GPLD1: variants seen among roughly 807,000 people sequenced by gnomAD.
GPLD1 encodes phosphatidylinositol-glycan-specific phospholipase D.
A neutral mutation model predicts 112.6 loss-of-function variants in GPLD1; 84 were observed. That is an observed-to-expected ratio of 0.75 (90% CI 0.63 to 0.89). The LOEUF is 0.89. Among genes scored for constraint, GPLD1 ranks in the 40% least tolerant of loss-of-function variants. GPLD1 has a pLI of 0.00. For synonymous variants in GPLD1, 386 were observed against 403.8 expected (o/e 0.96, Z 0.53); for missense variants, 1,044 against 1,051.5 (o/e 0.99, Z 0.10).
At chr6:24,488,490 C>T (rs1343444864) in intron 1 of GPLD1, among the ~76,000 whole-genome samples, 1 of 151,972 alleles carries the variant, frequency 6.6e-6, no homozygotes. Flanking sequence ...GTTATCACAG[C>T]TAATTCTATT....
Position 24,448,175 on chromosome 6 carries a change from C to T in GPLD1, c.1480G>A (p.Gly494Arg). The change falls in exon 16 of 25, where the codon GGA becomes AGA. Residue 494 changes from glycine to arginine, a missense_variant. Transcript: ENST00000230036. ...AVYVYFGSKQ[G>R]GMSSSPNITI... is the part of the protein sequence containing the mutation. Reference sequence around the variant, plus strand: ...ATGTTAGGGGAAGAAGACATTCCTCCTTGTTTGGAACCAAAGTAGACATAC... The same window carrying T: ...ATGTTAGGGGAAGAAGACATTCCTCTTTGTTTGGAACCAAAGTAGACATAC... The T allele has an allele frequency of 6.2e-7, 1 of 1,610,272 alleles. No homozygotes were observed. The highest frequency in any genetic ancestry group is 8.5e-7 in the Non-Finnish European group (1 of 1,179,074).
chr6:24,477,987 C>G (rs924703646), intron 3 of GPLD1, among the ~76,000 whole-genome samples: 9 of 152,168 alleles, frequency 5.9e-5, no homozygotes, highest in Non-Finnish European at 1.3e-4. Flanking sequence ...TTTCATCACA[C>G]AAGACTATTT....
chr6:24,470,465 CAT>C (rs1431695021), intron 7 of GPLD1, among the ~76,000 whole-genome samples: 14 of 152,164 alleles, frequency 9.2e-5, no homozygotes, highest in Non-Finnish European at 1.3e-4. Context: ...AATCTACCCT[CAT>C]GTGGGAGATC....
At chr6:24,432,186 G>T (rs1416860712) in intron 24 of GPLD1, among the ~76,000 whole-genome samples, 1 of 148,062 alleles carries the variant, frequency 6.8e-6, no homozygotes, top group African/African-American at 2.5e-5. Context: ...GACAGAGGTT[G>T]CAGTGAGCCA....
chr6:24,495,221 C>T (rs1581800805), upstream of GPLD1: 5 of 1,512,828 alleles, frequency 3.3e-6, no homozygotes, highest in Non-Finnish European at 4.4e-6. Flanking sequence ...CCGCCGCCAC[C>T]TTCCCCGTGC....
Position 24,473,632 on chromosome 6 carries a change from C to T in GPLD1, c.477G>A (p.Ser159=), listed in dbSNP as rs770388401. 1.6e-5 allele frequency: 25 copies of T among 1,606,662 alleles called. No homozygotes were observed. The African/African-American group carries it at 2.5e-4, about 16-fold the overall frequency. The change falls in exon 6 of 25, where the codon TCG becomes TCA. Residue 159 remains serine, a synonymous_variant. Coordinates refer to ENST00000230036, the MANE Select transcript of GPLD1 (RefSeq NM_001503.4). ...AATAAACAGTACCAAAATCACCAGCCGAATGAGCCTCTGAATAGGAGCCGT... is the reference window on the plus strand; with the variant it reads ...AATAAACAGTACCAAAATCACCAGCTGAATGAGCCTCTGAATAGGAGCCGT... ...DFHGSYSEAH[S]AGDFGGDVLS...
intron 2 of GPLD1, among the ~76,000 whole-genome samples, chr6:24,485,774 A>G (rs770536845): frequency 6.6e-6 from 1 of 151,282 alleles, no homozygotes. Flanking sequence ...GGTTCAAGCC[A>G]TTCTCCTGCC....
chr6:24,472,796 A>G (rs1383406538), intron 6 of GPLD1, among the ~76,000 whole-genome samples, 160 bp from the exon 7 acceptor site: 1 of 149,238 alleles, frequency 6.7e-6, no homozygotes, highest in African/African-American at 2.5e-5. Flanking sequence ...TTTTTTTTAG[A>G]CGGAGTTTTG....
rs746079308 is a variant in GPLD1 at position 24,445,510 on chromosome 6, CTG to C, written c.2020+34_2020+35del. ...ACGACATGTACAAGCAGCCACATGA[CTG>C]AAAGGAAGCACAGTTTCACAGTGTG... is the stretch of plus-strand genomic sequence containing the variant. On this transcript the variant is annotated intron_variant, in intron 20 of 24. Coordinates refer to ENST00000230036, the MANE Select transcript of GPLD1 (RefSeq NM_001503.4). 10 of 1,411,188 alleles carry C rather than the reference CTG, an allele frequency of 7.1e-6. No homozygotes were observed. In the East Asian group the frequency reaches 2.3e-4, roughly 33 times the overall value. The allele number at this position is 1,411,188 out of a possible 1,614,324, so 87.4% of individuals were successfully genotyped here.
chr6:24,482,556 C>T (rs1414061461), intron 2 of GPLD1, among the ~76,000 whole-genome samples: 1 of 152,174 alleles, frequency 6.6e-6, no homozygotes, highest in African/African-American at 2.4e-5. Context: ...ACTGGATTTA[C>T]AGACATGAGC....
chr6:24,431,780 C>T (rs571755476), intron 24 of GPLD1, among the ~76,000 whole-genome samples: 16 of 151,994 alleles, frequency 1.1e-4, no homozygotes, highest in African/African-American at 2.7e-4. Context: ...GGCGATCCAC[C>T]AACCTCGGCT....
At chr6:24,464,266 C>T (rs957826020) in intron 10 of GPLD1, among the ~76,000 whole-genome samples, 5 of 152,024 alleles carry the variant, frequency 3.3e-5, no homozygotes, top group African/African-American at 1.2e-4. Context: ...TATTGCTGTC[C>T]CAATTTTATA....
chr6:24,467,031 C>T lies in GPLD1; in HGVS notation c.654-92G>A, dbSNP rs1438986713. On this transcript the variant is annotated intron_variant, in intron 8 of 24. Coordinates refer to ENST00000230036, the MANE Select transcript of GPLD1 (RefSeq NM_001503.4). ...AAGAAAAAGTTCCATCCACCCTTTT[C>T]CACCGTCATGCAACTGCCTTTGAAT... is the stretch of plus-strand genomic sequence containing the variant. 2.5e-6 allele frequency: 3 copies of T among 1,209,464 alleles called. No individual in the cohort carries two copies. The East Asian group carries it at 7.0e-5, about 28-fold the overall frequency. The allele number at this position is 1,209,464 out of a possible 1,614,324, so 74.9% of individuals were successfully genotyped here.
chr6:24,448,792 C>G (rs9461015), intron 15 of GPLD1, among the ~76,000 whole-genome samples: 38,955 of 152,064 alleles, frequency 0.26, 5,219 homozygotes, highest in Non-Finnish European at 0.28. Context: ...TACCACTTAC[C>G]TGCCTGAGGA....
intron 2 of GPLD1, among the ~76,000 whole-genome samples, chr6:24,482,313 C>T (rs1273187664): frequency 1.3e-5 from 2 of 151,848 alleles, no homozygotes; most frequent in Non-Finnish European, 2.9e-5. Context: ...CAGAATCTCG[C>T]TCTGTCACCC....
chr6:24,433,049 T>C, intron 24 of GPLD1, 138 bp downstream of exon 24: 1 of 751,214 alleles, frequency 1.3e-6, no homozygotes, highest in Non-Finnish European at 2.4e-6. Flanking sequence ...GATGAGATTA[T>C]ATGTGAATGT....
At chr6:24,489,332 C>A in intron 1 of GPLD1, 83 bp downstream of exon 1, 1 of 1,032,730 alleles carries the variant, frequency 9.7e-7, no homozygotes, top group African/African-American at 1.6e-5. Context: ...TATCAATCCA[C>A]GAGCGGGATT....
chr6:24,462,326 G>T lies in GPLD1; in HGVS notation c.887+404C>A, dbSNP rs190865540. Among the ~76,000 whole-genome samples, 28 of 151,808 alleles carry T rather than the reference G, an allele frequency of 1.8e-4. No individual in the cohort carries two copies. In the East Asian group the frequency reaches 5.2e-3, roughly 28 times the overall value. ...TTTGTTCATTTTTTGTAGATATAGG[G>T]GTCTCACTATGTTGCTGAGGCTGGT... On this transcript the variant is annotated intron_variant, in intron 11 of 24. Transcript: ENST00000230036.
chr6:24,429,732 G>A (rs1762343515), intron 24 of GPLD1, among the ~76,000 whole-genome samples: 1 of 152,104 alleles, frequency 6.6e-6, no homozygotes, highest in Non-Finnish European at 1.5e-5. Flanking sequence ...ATTTTTAGTA[G>A]AGACGAGCTC....
Sources: gnomAD v4.1 joint callset for allele counts (sites outside exome capture counted in the v4.1 genomes callset) on GRCh38, gnomAD v4.1.1 for gene constraint, MANE v1.5 for transcripts, NCBI Gene and HGNC (gene_info 2026-07-23, HGNC 2026-07-21) for gene names.